Variants in CRB1 observed in about 807,000 individuals in gnomAD.
CRB1 encodes crumbs cell polarity complex component 1, also known as protein crumbs homolog 1.
CRB1 carries 83 observed loss-of-function variants against 120.0 expected under a neutral mutation model. The observed-to-expected ratio is 0.69, with a 90% CI of 0.58 to 0.83. The LOEUF (loss-of-function observed/expected upper bound fraction) is 0.83, where lower values mean the gene tolerates loss of function less well. Ranked by LOEUF, CRB1 falls within the 40% of genes least tolerant of loss-of-function variation. The probability of loss-of-function intolerance (pLI) is 0.00; values close to 1 mark genes in which losing one functional copy is unlikely to be tolerated. For synonymous variants in CRB1, 625 were observed against 612.5 expected (o/e 1.02, Z -0.30); for missense variants, 1,699 against 1,687.6 (o/e 1.01, Z -0.12).
the CRB1 span, among the ~76,000 whole-genome samples, chr1:197,224,461 A>G: frequency 6.6e-6 from 1 of 152,168 alleles, no homozygotes; most frequent in East Asian, 1.9e-4. Flanking sequence ...TACTTTATAA[A>G]TAATATCAGA....
intron 5 of CRB1, among the ~76,000 whole-genome samples, chr1:197,360,902 C>T (rs773207132): frequency 6.6e-5 from 10 of 152,154 alleles, no homozygotes; most frequent in Non-Finnish European, 1.0e-4. Context: ...GAATTTTTAT[C>T]GATGCTCTTT....
chr1:197,259,559 G>C, the CRB1 span, among the ~76,000 whole-genome samples: 1 of 152,114 alleles, frequency 6.6e-6, no homozygotes, highest in African/African-American at 2.4e-5. Context: ...GAGAACATCA[G>C]GACAAATAGC....
chr1:197,416,827 A>G (rs995478801), intron 5 of CRB1, among the ~76,000 whole-genome samples: 1 of 152,060 alleles, frequency 6.6e-6, no homozygotes, highest in Non-Finnish European at 1.5e-5. Flanking sequence ...CTCCCACCTC[A>G]GCCTCTTGAG....
In CRB1 at chr1:197,268,570, A is replaced by G; in HGVS notation, c.70+88A>G. On this transcript the variant is annotated intron_variant, in intron 1 of 11. Coordinates refer to ENST00000367400, the MANE Select transcript of CRB1 (RefSeq NM_201253.3). ...AATAATGGATAATGTTGCATGTTCTATAAAATACAATGCTAAAAAAGGAAG... is the reference window on the plus strand; with the variant it reads ...AATAATGGATAATGTTGCATGTTCTGTAAAATACAATGCTAAAAAAGGAAG... 2.9e-6 allele frequency: 3 copies of G among 1,031,382 alleles called. No homozygotes were observed. The South Asian group carries it at 3.9e-5, about 14-fold the overall frequency. 63.9% of individuals were successfully genotyped at this position (1,031,382 alleles called of 1,614,324 possible).
At position 197,421,604 on chromosome 1, in the gene CRB1, C is replaced by T. The variant is rs753491387; in HGVS notation, c.1776C>T (p.Ile592=). The stretch of plus-strand genomic sequence containing the variant: ...ACGACTCCTGTAAGGAGAAATGCAT[C>T]GCGAAAGCTCCTACTCCACTTGAAA... ...LIDDSCKEKC[I]AKAPTPLESD... is the part of the protein sequence containing the mutation. Residue 592 remains isoleucine, a synonymous_variant, in exon 6 of 12, where the codon ATC becomes ATT. Transcript: ENST00000367400. 3 of 1,614,152 alleles carry T rather than the reference C, an allele frequency of 1.9e-6. No individual in the cohort carries two copies. Among genetic ancestry groups the T allele is most frequent in the South Asian group, 2.2e-5 (2 of 91,076 alleles).
At chr1:197,299,933 A>G (rs936289152) in intron 1 of CRB1, among the ~76,000 whole-genome samples, 2 of 151,788 alleles carry the variant, frequency 1.3e-5, no homozygotes, top group African/African-American at 4.9e-5. Flanking sequence ...GCAATATCTC[A>G]AACTTTTTCA....
intron 9 of CRB1, chr1:197,437,955 C>T (rs1210124888): frequency 6.4e-6 from 1 of 155,222 alleles, no homozygotes; most frequent in Non-Finnish European, 1.4e-5. Context: ...ACATGTAAAG[C>T]TTTGTTGCCA....
rs1048659362 is a variant in CRB1, at chr1:197,390,061, A to G, written c.1172-30939A>G. ...GGATTGGGGAGGAGTGGCAGGTGGGACTGAGAAGGGGAACAGGAGACACTG... is the reference window on the plus strand; with the variant it reads ...GGATTGGGGAGGAGTGGCAGGTGGGGCTGAGAAGGGGAACAGGAGACACTG... On this transcript the variant is annotated intron_variant, in intron 5 of 11. Coordinates refer to ENST00000367400, the MANE Select transcript of CRB1 (RefSeq NM_201253.3). Among the ~76,000 whole-genome samples the G allele has an allele frequency of 4.6e-5, 7 of 151,858 alleles. No homozygotes were observed. In the East Asian group the frequency reaches 1.4e-3, roughly 30 times the overall value.
the CRB1 span, among the ~76,000 whole-genome samples, chr1:197,259,609 TG>T: frequency 6.6e-6 from 1 of 152,272 alleles, no homozygotes; most frequent in African/African-American, 2.4e-5. Context: ...ATGGGTTGAT[TG>T]GTGCAGCAAA....
At chr1:197,474,497 CA>C in intron 11 of CRB1, among the ~76,000 whole-genome samples, 1 of 152,120 alleles carries the variant, frequency 6.6e-6, no homozygotes, top group Non-Finnish European at 1.5e-5. Flanking sequence ...TCAGGAGTCC[CA>C]AAATATGTGA....
chr1:197,344,453 G>C lies in CRB1; in HGVS notation c.825G>C (p.Gly275=). The change falls in exon 3 of 12, where the codon GGG becomes GGC. Residue 275 remains glycine (G), a synonymous_variant. Transcript: ENST00000367400. ...ECASQPCLHG[G]LCVDGENRYS... is the part of the protein sequence containing the mutation. Reference sequence around the variant, plus strand: ...CCAGTCAACCTTGTCTCCATGGAGGGCTGTGTGTGGATGGAGAAAACAGGT... The same window carrying C: ...CCAGTCAACCTTGTCTCCATGGAGGCCTGTGTGTGGATGGAGAAAACAGGT... 2 of 1,614,076 alleles carry C rather than the reference G, an allele frequency of 1.2e-6. No homozygotes were observed. The highest frequency in any genetic ancestry group is 1.7e-6 in the Non-Finnish European group (2 of 1,179,984).
intron 11 of CRB1, among the ~76,000 whole-genome samples, chr1:197,476,397 T>C (rs72740598): frequency 0.034 from 4,998 of 145,692 alleles, 115 homozygotes; most frequent in Non-Finnish European, 0.043. Flanking sequence ...TGTGTGTGTG[T>C]GCGCGTCTTC....
intron 5 of CRB1, among the ~76,000 whole-genome samples, chr1:197,373,685 G>A (rs1661495359): frequency 1.3e-5 from 2 of 152,128 alleles, no homozygotes; most frequent in Admixed American, 1.3e-4. Flanking sequence ...ACAGAAAGGA[G>A]GGAGAGTCAG....
rs1662362970 is a variant in CRB1, at chr1:197,389,114, A to G, written c.1172-31886A>G. Among the ~76,000 whole-genome samples, 3 of 152,234 alleles carry G rather than the reference A, an allele frequency of 2.0e-5. No individual in the cohort carries two copies. The South Asian group carries it at 6.2e-4, about 32-fold the overall frequency. On this transcript the variant is annotated intron_variant, in intron 5 of 11. Coordinates refer to ENST00000367400, the MANE Select transcript of CRB1 (RefSeq NM_201253.3). ...GAACCCTTGTGCATTGCTGTTGGCA[A>G]GGTATCATGGTGAAATGCTGTGGAA...
intron 1 of CRB1, among the ~76,000 whole-genome samples, chr1:197,276,743 T>C (rs1655228957): frequency 6.6e-6 from 1 of 151,860 alleles, no homozygotes; most frequent in African/African-American, 2.4e-5. Flanking sequence ...ATAACTGAAG[T>C]GGATTGAGTA....
At chr1:197,340,952 A>G (rs1356717048) in intron 2 of CRB1, among the ~76,000 whole-genome samples, 8 of 152,128 alleles carry the variant, frequency 5.3e-5, no homozygotes, top group African/African-American at 1.7e-4. Flanking sequence ...GGCAGGAGGT[A>G]AGGAGGAACA....
chr1:197,303,694 C>T (rs1657010171), intron 1 of CRB1, among the ~76,000 whole-genome samples: 1 of 152,162 alleles, frequency 6.6e-6, no homozygotes, highest in African/African-American at 2.4e-5. Context: ...TCTTTTGACT[C>T]ATGCTTTCCT....
chr1:197,319,454 A>G lies in CRB1; in HGVS notation c.71-8968A>G, dbSNP rs190384930. 1.1e-3 allele frequency among the ~76,000 whole-genome samples: 150 copies of G among 140,306 alleles called. 2 individuals are homozygous for G. Among genetic ancestry groups the G allele is most frequent in the African/African-American group, 4.2e-3 (137 of 32,528 alleles). The allele number at this position is 140,306 out of a possible 152,430, so 92.0% of individuals were successfully genotyped here. On this transcript the variant is annotated intron_variant, in intron 1 of 11. Coordinates refer to ENST00000367400, the MANE Select transcript of CRB1 (RefSeq NM_201253.3). The stretch of plus-strand genomic sequence containing the variant: ...TCTCAAAAAAAAAAAAAAAAAAAAA[A>G]AAAAGAAAGAACGGAGAATATTTTT...
At chr1:197,455,344 T>G (rs2125538941) in intron 11 of CRB1, among the ~76,000 whole-genome samples, 1 of 152,294 alleles carries the variant, frequency 6.6e-6, no homozygotes, top group South Asian at 2.1e-4. Context: ...TTTCTTGAAT[T>G]ATTTTCCTTA....
Sources: allele counts gnomAD v4.1 joint callset (sites outside exome capture counted in the v4.1 genomes callset), GRCh38; gene constraint gnomAD v4.1.1; transcripts MANE v1.5; gene names NCBI Gene and HGNC (gene_info 2026-07-23, HGNC 2026-07-21).